Variants in ADAM32 observed in about 807,000 individuals in gnomAD.
The protein encoded by ADAM32 is ADAM metallopeptidase domain 32.
In ADAM32, 89 loss-of-function variants were observed where a neutral mutation model predicts 114.9. That is an observed-to-expected ratio of 0.77 (90% CI 0.65 to 0.92). The LOEUF is 0.92. Among genes scored for constraint, ADAM32 ranks in the 40% least tolerant of loss-of-function variants. ADAM32 has a pLI of 0.00. For synonymous variants in ADAM32, 285 were observed against 307.5 expected (o/e 0.93, Z 0.77); for missense variants, 870 against 932.8 (o/e 0.93, Z 0.88).
chr8:39,187,017 T>C lies in ADAM32; in HGVS notation c.1024T>C (p.Ser342Pro). ...DDPKKCQCSE[S>P]TCIMNPEVVQ... ...CCCAAAGAAATGTCAATGTTCAGAA[T>C]CCACCTGTATAATGAATCCAGAAGT... Residue 342 changes from serine (S) to proline (P), a missense_variant, in exon 11 of 25, where the codon TCC becomes CCC. Ser to Pro is a moderately conservative substitution (Grantham distance 74). Coordinates refer to ENST00000379907, the MANE Select transcript of ADAM32 (RefSeq NM_145004.7). The C allele has an allele frequency of 6.2e-7, 1 of 1,611,468 alleles. No individual in the cohort carries two copies. The highest frequency in any genetic ancestry group is 8.5e-7 in the Non-Finnish European group (1 of 1,178,848).
intron 17 of ADAM32, among the ~76,000 whole-genome samples, chr8:39,252,487 T>C (rs1159451402): frequency 6.6e-6 from 1 of 150,704 alleles, no homozygotes; most frequent in African/African-American, 2.4e-5. Flanking sequence ...TTAAAAAGAA[T>C]AAAGATTTCA....
At chr8:39,185,932 C>A (rs1234385543) in intron 10 of ADAM32, among the ~76,000 whole-genome samples, 1 of 150,832 alleles carries the variant, frequency 6.6e-6, no homozygotes, top group African/African-American at 2.5e-5. Context: ...AGAGGGCTTC[C>A]TCTGCTGGCA....
In ADAM32 at chr8:39,233,988, G is replaced by T; in HGVS notation, c.1724G>T (p.Arg575Leu). 6.3e-7 allele frequency: 1 copy of T among 1,577,088 alleles called. No individual in the cohort carries two copies. The highest frequency in any genetic ancestry group is 1.3e-5 in the African/African-American group (1 of 74,374). The change falls in exon 16 of 25, where the codon CGA becomes CTA. Residue 575 changes from arginine (R) to leucine (L), a missense_variant. Coordinates refer to ENST00000379907, the MANE Select transcript of ADAM32 (RefSeq NM_145004.7). ...ENGDVIYAFV[R>L]DSVCITVDYK... ...GGTGATGTGATTTATGCTTTCGTAC[G>T]AGATTCTGTATGCATAACTGTAGAC... is the stretch of plus-strand genomic sequence containing the variant.
intron 3 of ADAM32, among the ~76,000 whole-genome samples, chr8:39,141,254 C>G (rs1042570907): frequency 3.3e-5 from 5 of 152,110 alleles, no homozygotes; most frequent in African/African-American, 1.2e-4. Context: ...TTTGTTCTTG[C>G]TTCTCTAGTT....
Position 39,257,225 on chromosome 8 carries a change from A to G in ADAM32, c.2044A>G (p.Thr682Ala). Reference sequence around the variant, plus strand: ...AAGAGCATCTGGGAAGACTGAAAACACCTGGCTTCTAGGTTTCCTCATTGC... The same window carrying G: ...AAGAGCATCTGGGAAGACTGAAAACGCCTGGCTTCTAGGTTTCCTCATTGC... ...MERASGKTEN[T>A]WLLGFLIALP... Residue 682 changes from threonine (T) to alanine (A), a missense_variant, in exon 19 of 25, where the codon ACC becomes GCC. Thr to Ala is a moderately conservative substitution (Grantham distance 58). Coordinates refer to ENST00000379907, the MANE Select transcript of ADAM32 (RefSeq NM_145004.7). The G allele has an allele frequency of 1.2e-6, 2 of 1,610,374 alleles. No homozygotes were observed. Among genetic ancestry groups the G allele is most frequent in the Non-Finnish European group, 1.7e-6 (2 of 1,177,952 alleles).
intron 2 of ADAM32, chr8:39,130,940 T>C: frequency 2.3e-6 from 1 of 428,028 alleles, no homozygotes; most frequent in Non-Finnish European, 4.6e-6. Context: ...TTTGGGAGAC[T>C]GAGGCAGGAG....
At chr8:39,203,447 T>G (rs995306550) in intron 11 of ADAM32, among the ~76,000 whole-genome samples, 1 of 152,186 alleles carries the variant, frequency 6.6e-6, no homozygotes, top group Admixed American at 6.5e-5. Context: ...GAGACTAGGA[T>G]CGCAACCCCT....
At chr8:39,176,693 C>T (rs1293692170) in intron 10 of ADAM32, among the ~76,000 whole-genome samples, 2 of 152,122 alleles carry the variant, frequency 1.3e-5, no homozygotes, top group African/African-American at 4.8e-5. Flanking sequence ...CTGTAGATAT[C>T]TATCAGGTCC....
chr8:39,177,234 T>A (rs1219187037), intron 10 of ADAM32, among the ~76,000 whole-genome samples: 1 of 152,118 alleles, frequency 6.6e-6, no homozygotes, highest in Non-Finnish European at 1.5e-5. Flanking sequence ...TAATTTTTTG[T>A]GTTTTCAGTA....
chr8:39,148,433 C>A (rs912610833), intron 4 of ADAM32, among the ~76,000 whole-genome samples: 1 of 151,896 alleles, frequency 6.6e-6, no homozygotes, highest in African/African-American at 2.4e-5. Flanking sequence ...CGTTGACTAA[C>A]CCCTACTTTA....
At chr8:39,126,488 G>T (rs527772921) in intron 2 of ADAM32, among the ~76,000 whole-genome samples, 33 of 152,084 alleles carry the variant, frequency 2.2e-4, no homozygotes, top group African/African-American at 6.7e-4. Flanking sequence ...GCCTATTGTT[G>T]GTGTATAGGA....
rs117580405 is a variant in ADAM32, at chr8:39,252,002, C to A, written c.1903-2412C>A. ...CTTTCTCTGTTGTACATTCTTGGTG[C>A]CTTTGTTGAAAATGAATTGGTGTAA... On this transcript the variant is annotated intron_variant, in intron 17 of 24. Coordinates refer to ENST00000379907, the MANE Select transcript of ADAM32 (RefSeq NM_145004.7). Among the ~76,000 whole-genome samples the A allele has an allele frequency of 6.5e-4, 98 of 151,750 alleles. 2 individuals carry two copies. Among genetic ancestry groups the A allele is most frequent in the Non-Finnish European group, 5.6e-4 (38 of 67,690 alleles).
chr8:39,270,683 A>G (rs924925164), intron 19 of ADAM32, among the ~76,000 whole-genome samples, 193 bp from the exon 20 acceptor site: 12 of 152,214 alleles, frequency 7.9e-5, no homozygotes, highest in African/African-American at 2.7e-4. Context: ...TGCCCTTCTT[A>G]TGGATGAGGT....
At chr8:39,221,527 T>C in intron 12 of ADAM32, 83 bp from the exon 13 acceptor site, 1 of 1,055,798 alleles carries the variant, frequency 9.5e-7, no homozygotes, top group South Asian at 1.4e-5. Flanking sequence ...ATTCAAACAG[T>C]AAGCCCATCA....
At chr8:39,272,833 CTT>C (rs1475265644) in intron 20 of ADAM32, among the ~76,000 whole-genome samples, 1 of 152,140 alleles carries the variant, frequency 6.6e-6, no homozygotes, top group Non-Finnish European at 1.5e-5. Flanking sequence ...AATTGATACA[CTT>C]TTTAATTTTA....
chr8:39,150,980 CTTA>C (rs1401644640), intron 5 of ADAM32, among the ~76,000 whole-genome samples: 4 of 142,894 alleles, frequency 2.8e-5, no homozygotes, highest in African/African-American at 1.0e-4. Flanking sequence ...AGTAAAGTTT[CTTA>C]TTATATACAT....
rs1807315870 is a variant in ADAM32, at chr8:39,200,369, C to T, written c.1053-10775C>T. Among the ~76,000 whole-genome samples the T allele has an allele frequency of 1.3e-5, 2 of 152,162 alleles. 1 individual carries two copies. Among genetic ancestry groups the T allele is most frequent in the South Asian group, 4.1e-4 (2 of 4,822 alleles). ...GTTTTGATTTGCATTTCTCTGATAGCCAGTGATGATGAGCATTTTTTTCAT... is the reference window on the plus strand; with the variant it reads ...GTTTTGATTTGCATTTCTCTGATAGTCAGTGATGATGAGCATTTTTTTCAT... On this transcript the variant is annotated intron_variant, in intron 11 of 24. Coordinates refer to ENST00000379907, the MANE Select transcript of ADAM32 (RefSeq NM_145004.7).
At chr8:39,122,086 G>A (rs1164432254) in intron 2 of ADAM32, among the ~76,000 whole-genome samples, 4 of 152,126 alleles carry the variant, frequency 2.6e-5, no homozygotes, top group African/African-American at 7.2e-5. Flanking sequence ...AACTGGAGAG[G>A]AATTTTGCCT....
rs77773924 is a variant in ADAM32, at chr8:39,163,054, G to A, written c.595-1710G>A. ...TCATAGTATTCATATTTTCTTCAGT[G>A]ACTTTATAATTTGTAAATCCGTAAT... On this transcript the variant is annotated intron_variant, in intron 7 of 24. Transcript: ENST00000379907. Among the ~76,000 whole-genome samples the A allele has an allele frequency of 7.2e-5, 11 of 152,220 alleles. No homozygotes were observed. The East Asian group carries it at 2.1e-3, about 29-fold the overall frequency.
Sources: gnomAD v4.1 joint callset for allele counts (sites outside exome capture counted in the v4.1 genomes callset) on GRCh38, gnomAD v4.1.1 for gene constraint, MANE v1.5 for transcripts, NCBI Gene and HGNC (gene_info 2026-07-23, HGNC 2026-07-21) for gene names.